Variants in TMEM132D observed in about 807,000 individuals in gnomAD.
TMEM132D encodes the protein mature OL transmembrane protein.
Under a neutral mutation model 62.3 loss-of-function variants are expected in TMEM132D, and 21 were observed. That is an observed-to-expected ratio of 0.34 (90% confidence interval 0.24 to 0.49). TMEM132D has a LOEUF of 0.49. TMEM132D is among the 20% of genes least tolerant of loss of function. The pLI is 0.99. For missense variants in TMEM132D, 1,346 were observed against 1,402.8 expected (o/e 0.96, Z 0.65); for synonymous variants, 621 against 575.6 (o/e 1.08, Z -1.13).
chr12:129,719,576 G>A (rs2137242851), intron 1 of TMEM132D, among the ~76,000 whole-genome samples: 1 of 152,314 alleles, frequency 6.6e-6, no homozygotes, highest in Admixed American at 6.5e-5. Flanking sequence ...CACATTTCTG[G>A]CCTTGAGAAA....
In TMEM132D at chr12:129,072,486, T is replaced by C. The variant is rs1418500113; in HGVS notation, c.*1389A>G. 2 of 152,326 alleles carry C rather than the reference T, an allele frequency of 1.3e-5. No homozygotes were observed. Among genetic ancestry groups the C allele is most frequent in the Non-Finnish European group, 2.9e-5 (2 of 68,108 alleles). 9.4% of individuals were successfully genotyped at this position (152,326 alleles called of 1,614,324 possible). A position where few individuals can be genotyped will look rare whatever the true frequency, so the allele number is the denominator to read the frequency against. On this transcript the variant is annotated 3_prime_UTR_variant, in exon 9 of 9. Coordinates refer to ENST00000422113, the MANE Select transcript of TMEM132D (RefSeq NM_133448.3). ...AGGGATTCAGGGATATCCAGAGTCA[T>C]GGCTGGTCTTAAGCAATGCTGAACC...
chr12:129,608,603 A>T (rs976735515), intron 2 of TMEM132D, among the ~76,000 whole-genome samples: 1 of 152,190 alleles, frequency 6.6e-6, no homozygotes, highest in African/African-American at 2.4e-5. Flanking sequence ...TTTCTGAAAA[A>T]ATCATGTCGC....
chr12:129,235,319 C>A (rs1021748552), intron 4 of TMEM132D, among the ~76,000 whole-genome samples: 1 of 151,542 alleles, frequency 6.6e-6, no homozygotes, highest in Non-Finnish European at 1.5e-5. Flanking sequence ...TCACCATAAT[C>A]CAGATTTAGA....
Position 129,078,705 on chromosome 12 carries a change from G to A in TMEM132D, c.1944C>T (p.Asp648=), listed in dbSNP as rs371167939. The change falls in exon 8 of 9, where the codon GAC becomes GAT. Residue 648 remains aspartate (D), a synonymous_variant. Transcript: ENST00000422113. ...TTIQILSPLS[D]TILAEKTITV... ...TGATGGTCTTTTCAGCGAGGATGGT[G>A]TCTGACAGAGGAGACAGGATCTGGA... 4 of 1,614,058 alleles carry A rather than the reference G, an allele frequency of 2.5e-6. No individual in the cohort carries two copies. Among genetic ancestry groups the A allele is most frequent in the South Asian group, 1.1e-5 (1 of 91,088 alleles).
intron 5 of TMEM132D, among the ~76,000 whole-genome samples, chr12:129,135,811 A>G (rs950893814): frequency 1.3e-5 from 2 of 151,942 alleles, no homozygotes; most frequent in Admixed American, 6.6e-5. Context: ...TGGCTGATAG[A>G]CCGTATCAGC....
At chr12:129,406,842 C>T (rs761027816) in intron 3 of TMEM132D, among the ~76,000 whole-genome samples, 12 of 152,178 alleles carry the variant, frequency 7.9e-5, no homozygotes, top group Non-Finnish European at 1.6e-4. Context: ...AGCCTGTACG[C>T]CCAGCAGAAG....
intron 1 of TMEM132D, among the ~76,000 whole-genome samples, chr12:129,890,542 G>A (rs990703742): frequency 6.6e-6 from 1 of 152,180 alleles, no homozygotes; most frequent in African/African-American, 2.4e-5. Flanking sequence ...AGTGGGATCT[G>A]TTGTCAGCAG....
chr12:129,261,126 C>T (rs1376363511), intron 4 of TMEM132D, among the ~76,000 whole-genome samples: 1 of 152,156 alleles, frequency 6.6e-6, no homozygotes, highest in Non-Finnish European at 1.5e-5. Context: ...TACATTCCCA[C>T]CAGCAGTGTA....
intron 1 of TMEM132D, among the ~76,000 whole-genome samples, chr12:129,775,426 T>C (rs1956526673): frequency 6.6e-6 from 1 of 152,208 alleles, no homozygotes. Flanking sequence ...CCACCAGCAC[T>C]GTGCAGAGGC....
At chr12:129,469,545 G>A (rs1343208397) in intron 3 of TMEM132D, among the ~76,000 whole-genome samples, 1 of 152,138 alleles carries the variant, frequency 6.6e-6, no homozygotes, top group Non-Finnish European at 1.5e-5. Context: ...ATTCTAACAA[G>A]ATAACACAAT....
chr12:129,082,884 A>G (rs1874500551), intron 6 of TMEM132D, among the ~76,000 whole-genome samples: 2 of 152,058 alleles, frequency 1.3e-5, no homozygotes, highest in South Asian at 4.1e-4. Context: ...GCAAGCCACC[A>G]TGCCTGGCTA....
intron 5 of TMEM132D, among the ~76,000 whole-genome samples, chr12:129,200,899 C>T (rs1878687975): frequency 6.6e-6 from 1 of 152,208 alleles, no homozygotes; most frequent in Non-Finnish European, 1.5e-5. Context: ...GTGCTCCCAT[C>T]CCCGAAATTA....
intron 1 of TMEM132D, among the ~76,000 whole-genome samples, chr12:129,753,301 C>A (rs961359688): frequency 6.6e-6 from 1 of 152,156 alleles, no homozygotes; most frequent in African/African-American, 2.4e-5. Flanking sequence ...CAAAGGGTTG[C>A]AATATTGAAA....
chr12:129,730,719 C>G (rs531544476), intron 1 of TMEM132D, among the ~76,000 whole-genome samples: 1 of 146,128 alleles, frequency 6.8e-6, no homozygotes, highest in South Asian at 2.2e-4. Flanking sequence ...ATCTAATCAG[C>G]TGCCAGCACG....
At chr12:129,835,790 C>T (rs1872986806) in intron 1 of TMEM132D, among the ~76,000 whole-genome samples, 1 of 152,168 alleles carries the variant, frequency 6.6e-6, no homozygotes. Context: ...TCCCTGGGAC[C>T]AGCTATGCTC....
intron 5 of TMEM132D, among the ~76,000 whole-genome samples, chr12:129,165,659 G>C (rs951706449): frequency 3.3e-5 from 5 of 150,318 alleles, no homozygotes; most frequent in Admixed American, 6.7e-5. Flanking sequence ...GCCATGGGCA[G>C]AGCAGTGTCA....
chr12:129,332,528 C>G (rs1467112642), intron 4 of TMEM132D, among the ~76,000 whole-genome samples: 1 of 150,538 alleles, frequency 6.6e-6, no homozygotes, highest in Non-Finnish European at 1.5e-5. Context: ...TCCTTGACAA[C>G]AGCCACAACT....
intron 3 of TMEM132D, among the ~76,000 whole-genome samples, chr12:129,482,213 C>T (rs751512888): frequency 2.0e-5 from 3 of 152,064 alleles, no homozygotes; most frequent in Admixed American, 6.5e-5. Context: ...TGTGCTTATG[C>T]GTTTATTGCA....
chr12:129,115,321 C>A (rs1214390105), intron 5 of TMEM132D, among the ~76,000 whole-genome samples: 4 of 152,184 alleles, frequency 2.6e-5, no homozygotes, highest in Admixed American at 6.5e-5. Flanking sequence ...CTGGACGATG[C>A]AATTCACCTT....
Sources: gnomAD v4.1 joint callset for allele counts (sites outside exome capture counted in the v4.1 genomes callset) on GRCh38, gnomAD v4.1.1 for gene constraint, MANE v1.5 for transcripts, NCBI Gene and HGNC (gene_info 2026-07-23, HGNC 2026-07-21) for gene names.